The following SRBD1 variants were observed in gnomAD, a reference collection of about 807,000 sequenced individuals.
The protein encoded by SRBD1 is S1 RNA-binding domain-containing protein 1.
SRBD1 carries 88 observed loss-of-function variants against 115.3 expected under a neutral mutation model. That is an observed-to-expected ratio of 0.76 (90% CI 0.64 to 0.91). The LOEUF is 0.91. Among genes scored for constraint, SRBD1 ranks in the 40% least tolerant of loss-of-function variants. The probability of loss-of-function intolerance (pLI) is 0.00; values close to 1 mark genes in which losing one functional copy is unlikely to be tolerated. For missense variants in SRBD1, 1,385 were observed against 1,177.4 expected, an observed-to-expected ratio of 1.18 and a Z score of -2.58; for synonymous variants, 509 against 407.7, an observed-to-expected ratio of 1.25 and a Z score of -2.99.
chr2:45,487,748 G>A (rs541425190), intron 15 of SRBD1, among the ~76,000 whole-genome samples: 1 of 152,064 alleles, frequency 6.6e-6, no homozygotes, highest in Non-Finnish European at 1.5e-5. Context: ...TCTGCCTCCT[G>A]GGTTCAAGCA....
intron 10 of SRBD1, among the ~76,000 whole-genome samples, chr2:45,556,089 T>C (rs1672466750): frequency 6.6e-6 from 1 of 152,212 alleles, no homozygotes; most frequent in Non-Finnish European, 1.5e-5. Context: ...TAATAGCAAC[T>C]AACTGAATCT....
intron 14 of SRBD1, among the ~76,000 whole-genome samples, chr2:45,504,679 T>C (rs2103904693): frequency 6.6e-6 from 1 of 152,280 alleles, no homozygotes; most frequent in African/African-American, 2.4e-5. Context: ...ACTTATCAAG[T>C]AAACACTTTT....
At chr2:45,415,790 AGAGGAGAGGAGAGGAGAGG>A (rs1192057724) in intron 18 of SRBD1, among the ~76,000 whole-genome samples, 1 of 97,672 alleles carries the variant, frequency 1.0e-5, no homozygotes, top group African/African-American at 4.2e-5. Flanking sequence ...AGAGGAGAGG[AGAGGAGAGGAGAGGAGAGG>A]AGAGGAGAGG....
At chr2:45,437,660 G>A (rs143859554) in intron 16 of SRBD1, among the ~76,000 whole-genome samples, 400 of 152,258 alleles carry the variant, frequency 2.6e-3, no homozygotes, top group South Asian at 6.4e-3. Flanking sequence ...CTCAGGAGGC[G>A]GAGGTTGCAG....
intron 16 of SRBD1, among the ~76,000 whole-genome samples, chr2:45,432,972 T>G (rs969122952): frequency 6.6e-6 from 1 of 152,184 alleles, no homozygotes; most frequent in Non-Finnish European, 1.5e-5. Flanking sequence ...CAACTATTAT[T>G]TTTTTAAAGT....
intron 9 of SRBD1, among the ~76,000 whole-genome samples, chr2:45,571,571 C>T (rs1237831924): frequency 2.2e-5 from 3 of 136,336 alleles, no homozygotes; most frequent in African/African-American, 8.3e-5. Context: ...AGACATTGAC[C>T]TTACAAAACA....
intron 16 of SRBD1, among the ~76,000 whole-genome samples, chr2:45,431,252 A>C (rs1486062794): frequency 5.3e-5 from 8 of 152,190 alleles, no homozygotes; most frequent in African/African-American, 1.9e-4. Flanking sequence ...TGATTCCTCA[A>C]GGATCTAGAA....
chr2:45,498,111 T>C (rs1670517524), intron 14 of SRBD1, among the ~76,000 whole-genome samples: 1 of 152,220 alleles, frequency 6.6e-6, no homozygotes, highest in Non-Finnish European at 1.5e-5. Context: ...TTAGTGGCTA[T>C]GAAGTGTTAT....
intron 9 of SRBD1, among the ~76,000 whole-genome samples, chr2:45,564,461 T>C (rs1437518754): frequency 6.6e-6 from 1 of 152,162 alleles, no homozygotes; most frequent in Non-Finnish European, 1.5e-5. Flanking sequence ...GATGTAAAAC[T>C]TTCTCTATTT....
chr2:45,496,504 T>A (rs991784758), intron 14 of SRBD1, among the ~76,000 whole-genome samples: 1 of 152,102 alleles, frequency 6.6e-6, no homozygotes, highest in Non-Finnish European at 1.5e-5. Context: ...AAGAGAAAGA[T>A]AGAAGCAGCG....
At chr2:45,491,663 T>A (rs1482351382) in intron 14 of SRBD1, among the ~76,000 whole-genome samples, 3 of 152,240 alleles carry the variant, frequency 2.0e-5, no homozygotes, top group African/African-American at 7.2e-5. Flanking sequence ...ATTGATAATT[T>A]AAGATATTTT....
At chr2:45,494,958 A>G (rs551344460) in intron 14 of SRBD1, among the ~76,000 whole-genome samples, 42 of 152,328 alleles carry the variant, frequency 2.8e-4, no homozygotes, top group African/African-American at 9.9e-4. Context: ...ATGTTTCAAA[A>G]AAGATGATCA....
At chr2:45,556,453 T>A (rs1486708180) in intron 10 of SRBD1, among the ~76,000 whole-genome samples, 1 of 93,440 alleles carries the variant, frequency 1.1e-5, no homozygotes, top group South Asian at 4.0e-4. Flanking sequence ...TATTACTTTT[T>A]TTTTTTTTTT....
At chr2:45,452,938 T>C (rs895057195) in intron 16 of SRBD1, among the ~76,000 whole-genome samples, 2 of 152,060 alleles carry the variant, frequency 1.3e-5, no homozygotes, top group Admixed American at 1.3e-4. Context: ...GGCATTCATC[T>C]GCATTCCCTG....
intron 14 of SRBD1, among the ~76,000 whole-genome samples, chr2:45,534,572 G>C (rs1671710852): frequency 6.6e-6 from 1 of 151,784 alleles, no homozygotes. Flanking sequence ...AAACAATTTA[G>C]GCTATCCCAA....
chr2:45,434,322 G>T (rs554664650), intron 16 of SRBD1, among the ~76,000 whole-genome samples: 3 of 152,254 alleles, frequency 2.0e-5, no homozygotes, highest in East Asian at 3.9e-4. Flanking sequence ...GTTCAGTGAG[G>T]TCTCCCCATT....
chr2:45,463,061 C>T (rs1669374172), intron 16 of SRBD1, among the ~76,000 whole-genome samples: 1 of 149,666 alleles, frequency 6.7e-6, no homozygotes, highest in African/African-American at 2.4e-5. Context: ...AATTTTCCCT[C>T]ACTACAGACT....
At chr2:45,513,686 C>T (rs1395820236) in intron 14 of SRBD1, among the ~76,000 whole-genome samples, 1 of 151,980 alleles carries the variant, frequency 6.6e-6, no homozygotes, top group African/African-American at 2.4e-5. Context: ...GGTATTCTGA[C>T]TCAAATACCG....
chr2:45,610,079 T>C (rs1407203729), intron 1 of SRBD1, among the ~76,000 whole-genome samples: 2 of 152,192 alleles, frequency 1.3e-5, no homozygotes, highest in Admixed American at 6.5e-5. Context: ...CATAAGAATA[T>C]TCCTATTCTT....
Sources: gnomAD v4.1 joint callset for allele counts (sites outside exome capture counted in the v4.1 genomes callset) on GRCh38, gnomAD v4.1.1 for gene constraint, MANE v1.5 for transcripts, NCBI Gene and HGNC (gene_info 2026-07-23, HGNC 2026-07-21) for gene names.